Variants in PIK3C2A observed in about 807,000 individuals in gnomAD.
The protein encoded by PIK3C2A is phosphatidylinositol 4-phosphate 3-kinase C2 domain-containing subunit alpha.
In PIK3C2A, 97 loss-of-function variants were observed where a neutral mutation model predicts 204.5. The observed-to-expected ratio is 0.47, with a 90% CI of 0.40 to 0.56. The LOEUF (loss-of-function observed/expected upper bound fraction) is 0.56. Among genes scored for constraint, PIK3C2A ranks in the 20% least tolerant of loss-of-function variants. The pLI is 0.00. For missense variants in PIK3C2A, 1,735 were observed against 1,969.2 expected (o/e 0.88, Z 2.25); for synonymous variants, 653 against 664.4 (o/e 0.98, Z 0.26).
At chr11:17,166,116 C>G (rs1011555288) in intron 2 of PIK3C2A, among the ~76,000 whole-genome samples, 1 of 152,006 alleles carries the variant, frequency 6.6e-6, no homozygotes, top group African/African-American at 2.4e-5. Flanking sequence ...CATTATTACA[C>G]CAAAATATTA....
At chr11:17,094,421 A>T (rs1160851947) in intron 27 of PIK3C2A, 36 bp from the exon 28 acceptor site, 15 of 1,578,068 alleles carry the variant, frequency 9.5e-6, no homozygotes, top group Admixed American at 1.7e-5. Flanking sequence ...CATAAAATTT[A>T]TATTTAAAAC....
chr11:17,193,466 G>T, intron 1 of PIK3C2A: 1 of 411,246 alleles, frequency 2.4e-6, no homozygotes, highest in East Asian at 8.4e-5. Flanking sequence ...GGTGCTTCAG[G>T]AGCCATGGCT....
chr11:17,168,801 G>A lies in PIK3C2A; in HGVS notation c.941C>T (p.Thr314Ile). ...WDAVLLEERSTANCHLERKVN... is the reference protein window; with the variant it reads ...WDAVLLEERSIANCHLERKVN... ...CTTTCTTTCAAGATGACAATTTGCT[G>A]TCGATCTCTCTTCAAGAAGAACAGC... The change falls in exon 2 of 33, where the codon ACA (threonine) becomes ATA (isoleucine). Residue 314 changes from threonine (T) to isoleucine (I), a missense_variant. By Grantham distance (89) the Thr-to-Ile change is moderately conservative. Coordinates refer to ENST00000691414, the MANE Select transcript of PIK3C2A (RefSeq NM_002645.4). 6.2e-7 allele frequency: 1 copy of A among 1,613,972 alleles called. No homozygotes were observed. The highest frequency in any genetic ancestry group is 8.5e-7 in the Non-Finnish European group (1 of 1,179,902).
At chr11:17,194,191 G>C (rs933731296) in intron 1 of PIK3C2A, 2 of 514,336 alleles carry the variant, frequency 3.9e-6, no homozygotes, top group African/African-American at 2.0e-5. Flanking sequence ...AGGGGCTTGG[G>C]TTGTGCCGGC....
In PIK3C2A at chr11:17,102,330, A is replaced by G. The variant is rs562142705; in HGVS notation, c.3851+332T>C. ...CGGGCGCCTGTAGTCCCAGCTACTC[A>G]GGAGGCTGAGGCAGGAGAATGGCGT... On this transcript the variant is annotated intron_variant, in intron 24 of 32. Transcript: ENST00000691414. Among the ~76,000 whole-genome samples, 17 of 151,882 alleles carry G rather than the reference A, an allele frequency of 1.1e-4. No homozygotes were observed. The East Asian group carries it at 2.1e-3, about 19-fold the overall frequency.
rs1362805883 is a variant in PIK3C2A, at chr11:17,091,038, C to A, written c.4878+296G>T. On this transcript the variant is annotated intron_variant, in intron 32 of 32. Transcript: ENST00000691414. ...CTAGGATTACAGGCATGAGCCACTG[C>A]GCCTGGCCTTAAAATGTTTTAAAAT... is the stretch of plus-strand genomic sequence containing the variant. Among the ~76,000 whole-genome samples, 3 of 151,770 alleles carry A rather than the reference C, an allele frequency of 2.0e-5. No individual in the cohort carries two copies. In the East Asian group the frequency reaches 5.8e-4, roughly 29 times the overall value.
chr11:17,123,203 T>C (rs908752404), intron 13 of PIK3C2A, among the ~76,000 whole-genome samples: 1 of 152,150 alleles, frequency 6.6e-6, no homozygotes, highest in African/African-American at 2.4e-5. Context: ...TTCCTGACTT[T>C]AATCATTAGA....
chr11:17,138,172 G>A lies in PIK3C2A; in HGVS notation c.1705-1547C>T. On this transcript the variant is annotated intron_variant, in intron 8 of 32. Coordinates refer to ENST00000691414, the MANE Select transcript of PIK3C2A (RefSeq NM_002645.4). ...GGTCTCACAGCACGAACCCCTCAAA[G>A]TCTACCTGGGTACACACCACATGCA... The A allele has an allele frequency of 3.5e-6, 3 of 869,184 alleles. No homozygotes were observed. In the South Asian group the frequency reaches 3.9e-5, roughly 11 times the overall value. 53.8% of individuals were successfully genotyped at this position (869,184 alleles called of 1,614,324 possible).
chr11:17,106,563 GAGATCAC>G (rs1283752310), intron 22 of PIK3C2A, among the ~76,000 whole-genome samples: 1 of 152,114 alleles, frequency 6.6e-6, no homozygotes, highest in Non-Finnish European at 1.5e-5. Flanking sequence ...AAAACTAGCT[GAGATCAC>G]AGATGCCCAA....
At chr11:17,149,543 T>C (rs1311283788) in intron 4 of PIK3C2A, among the ~76,000 whole-genome samples, 1 of 152,102 alleles carries the variant, frequency 6.6e-6, no homozygotes, top group African/African-American at 2.4e-5. Context: ...AGAAAAAGAT[T>C]CACCATTTTA....
At chr11:17,201,599 T>C (rs1852388069) in intron 1 of PIK3C2A, among the ~76,000 whole-genome samples, 1 of 151,824 alleles carries the variant, frequency 6.6e-6, no homozygotes, top group African/African-American at 2.4e-5. Context: ...TATGTTCCCT[T>C]AGCTAAGTTT....
At chr11:17,100,511 C>T (rs756661429) in intron 25 of PIK3C2A, among the ~76,000 whole-genome samples, 8 of 152,266 alleles carry the variant, frequency 5.3e-5, no homozygotes, top group South Asian at 4.1e-4. Flanking sequence ...CATGAGCCAC[C>T]GCGCCTGGCC....
Position 17,117,685 on chromosome 11 carries a change from A to G in PIK3C2A, c.3036-14T>C, listed in dbSNP as rs1024334225. 7.9e-7 allele frequency: 1 copy of G among 1,270,838 alleles called. No individual in the cohort carries two copies. Among genetic ancestry groups the G allele is most frequent in the Non-Finnish European group, 1.1e-6 (1 of 908,910 alleles). The allele number at this position is 1,270,838 out of a possible 1,614,324, so 78.7% of individuals were successfully genotyped here. A position where few individuals can be genotyped will look rare whatever the true frequency, so the allele number is the denominator to read the frequency against. On this transcript the variant is annotated splice_polypyrimidine_tract_variant and intron_variant, in intron 18 of 32. Transcript: ENST00000691414. ...TCTTTGAGAAGCCTAATACAGCAAAATATTTATGTTAGTCACGTCTTGGTT... is the reference window on the plus strand; with the variant it reads ...TCTTTGAGAAGCCTAATACAGCAAAGTATTTATGTTAGTCACGTCTTGGTT...
chr11:17,157,752 C>G (rs1488932), intron 2 of PIK3C2A, among the ~76,000 whole-genome samples: 4 of 152,110 alleles, frequency 2.6e-5, no homozygotes, highest in Non-Finnish European at 4.4e-5. Flanking sequence ...TTGTATTGAC[C>G]TCAGTCTCAT....
chr11:17,149,862 T>C (rs1452084875), intron 4 of PIK3C2A, among the ~76,000 whole-genome samples: 2 of 152,218 alleles, frequency 1.3e-5, no homozygotes, highest in East Asian at 3.8e-4. Context: ...TGTATCTGAA[T>C]ATTAGACACA....
intron 23 of PIK3C2A, among the ~76,000 whole-genome samples, chr11:17,103,164 A>G (rs1229606039): frequency 2.0e-5 from 3 of 149,720 alleles, no homozygotes; most frequent in Non-Finnish European, 3.0e-5. Context: ...TGCTGCTTAG[A>G]ATCGGTGAGG....
chr11:17,159,920 T>C (rs1031954802), intron 2 of PIK3C2A, among the ~76,000 whole-genome samples: 7 of 152,120 alleles, frequency 4.6e-5, no homozygotes, highest in Non-Finnish European at 1.0e-4. Flanking sequence ...AGGAGGAGTT[T>C]CCCCCTTACT....
chr11:17,202,131 C>A (rs1852408486), intron 1 of PIK3C2A, among the ~76,000 whole-genome samples: 1 of 151,830 alleles, frequency 6.6e-6, no homozygotes, highest in Non-Finnish European at 1.5e-5. Flanking sequence ...TGGCATGCAC[C>A]TGTAATCCCA....
intron 9 of PIK3C2A, among the ~76,000 whole-genome samples, chr11:17,136,075 AG>A (rs553630973): frequency 1.1e-3 from 173 of 152,318 alleles, no homozygotes; most frequent in African/African-American, 4.0e-3. Flanking sequence ...TCTTTTCTAC[AG>A]GAAGTATTAG....
Sources: allele counts gnomAD v4.1 joint callset (sites outside exome capture counted in the v4.1 genomes callset), GRCh38; gene constraint gnomAD v4.1.1; transcripts MANE v1.5; gene names NCBI Gene and HGNC (gene_info 2026-07-23, HGNC 2026-07-21).